Variants in CA10 observed in about 807,000 individuals in gnomAD.
CA10 encodes the protein carbonic anhydrase-related protein 10.
In CA10, 14 loss-of-function variants were observed where a neutral mutation model predicts 44.2. That is an observed-to-expected ratio of 0.32 (90% CI 0.21 to 0.50). The LOEUF is 0.50. Ranked by LOEUF, CA10 falls within the 20% of genes least tolerant of loss-of-function variation. The pLI, the probability that CA10 is intolerant of heterozygous loss-of-function variation, is 0.99. For missense variants in CA10, 350 were observed against 409.7 expected (o/e 0.85, Z 1.26); for synonymous variants, 159 against 141.6 (o/e 1.12, Z -0.87).
At chr17:51,780,310 A>C (rs768156465) in intron 3 of CA10, among the ~76,000 whole-genome samples, 1 of 152,298 alleles carries the variant, frequency 6.6e-6, no homozygotes, top group African/African-American at 2.4e-5. Context: ...GTGCAGAGGA[A>C]GGCATGCAGG....
intron 2 of CA10, among the ~76,000 whole-genome samples, chr17:51,973,580 T>C (rs939937923): frequency 6.6e-6 from 1 of 152,120 alleles, no homozygotes; most frequent in Non-Finnish European, 1.5e-5. Flanking sequence ...ACATTCAGAG[T>C]GGAGAGACTT....
intron 4 of CA10, among the ~76,000 whole-genome samples, chr17:51,697,113 C>A (rs962469748): frequency 6.6e-6 from 1 of 151,192 alleles, no homozygotes; most frequent in Non-Finnish European, 1.5e-5. Context: ...CGTGTTAGAG[C>A]TGAACTGTAC....
At chr17:52,047,727 TTAA>T (rs1485633309) in intron 2 of CA10, among the ~76,000 whole-genome samples, 1 of 151,922 alleles carries the variant, frequency 6.6e-6, no homozygotes, top group Non-Finnish European at 1.5e-5. Flanking sequence ...TATAAAAAAT[TTAA>T]TAATACTGTA....
At chr17:51,781,470 C>A (rs1394384661) in intron 3 of CA10, among the ~76,000 whole-genome samples, 1 of 152,140 alleles carries the variant, frequency 6.6e-6, no homozygotes, top group South Asian at 2.1e-4. Flanking sequence ...TGCTATTTGG[C>A]CATGAGTCCA....
At chr17:51,678,982 A>T (rs150300306) in intron 4 of CA10, among the ~76,000 whole-genome samples, 49 of 152,352 alleles carry the variant, frequency 3.2e-4, no homozygotes, top group Non-Finnish European at 5.4e-4. Flanking sequence ...TGTAGACTTA[A>T]GCTTTCTCCG....
At chr17:51,929,653 T>C (rs1391672109) in intron 3 of CA10, among the ~76,000 whole-genome samples, 1 of 151,554 alleles carries the variant, frequency 6.6e-6, no homozygotes, top group Non-Finnish European at 1.5e-5. Flanking sequence ...AACTTTTCCT[T>C]CTTAAATACT....
chr17:52,038,885 G>A (rs886186252), intron 2 of CA10, among the ~76,000 whole-genome samples: 7 of 151,972 alleles, frequency 4.6e-5, no homozygotes, highest in East Asian at 1.9e-4. Context: ...GTCCTGTTTC[G>A]AATTATTTTA....
At chr17:51,765,475 C>T (rs1271746436) in intron 3 of CA10, among the ~76,000 whole-genome samples, 1 of 152,070 alleles carries the variant, frequency 6.6e-6, no homozygotes, top group African/African-American at 2.4e-5. Flanking sequence ...TAATTATGGG[C>T]CAGAGAATTA....
At chr17:51,698,144 C>A (rs890521458) in intron 4 of CA10, among the ~76,000 whole-genome samples, 2 of 152,114 alleles carry the variant, frequency 1.3e-5, no homozygotes, top group South Asian at 2.1e-4. Flanking sequence ...CATCACCTTG[C>A]CAGACACAGC....
At chr17:51,649,313 C>A (rs760923995) in intron 5 of CA10, 59 bp from the exon 6 acceptor site, 1 of 1,196,256 alleles carries the variant, frequency 8.4e-7, no homozygotes, top group Admixed American at 1.7e-5. Context: ...CAAACATCTC[C>A]CCGTGACATT....
At chr17:51,892,009 T>C (rs1501268) in intron 3 of CA10, among the ~76,000 whole-genome samples, 19,184 of 152,292 alleles carry the variant, frequency 0.13, 1,640 homozygotes, top group South Asian at 0.31. Context: ...AAGGTAACTA[T>C]GAGTCCCTTT....
At chr17:51,900,963 A>G (rs191407259) in intron 3 of CA10, among the ~76,000 whole-genome samples, 1 of 152,204 alleles carries the variant, frequency 6.6e-6, no homozygotes, top group Non-Finnish European at 1.5e-5. Context: ...TTTCTCCTGT[A>G]TCTCAATGAT....
At chr17:52,107,351 G>A (rs1020433374) in intron 1 of CA10, among the ~76,000 whole-genome samples, 6 of 152,036 alleles carry the variant, frequency 3.9e-5, no homozygotes, top group African/African-American at 1.2e-4. Context: ...TACTAACCTC[G>A]AGCACATATA....
intron 3 of CA10, among the ~76,000 whole-genome samples, chr17:51,812,059 C>T (rs1228880591): frequency 6.6e-6 from 1 of 152,182 alleles, no homozygotes; most frequent in African/African-American, 2.4e-5. Flanking sequence ...ACCTGTTCAA[C>T]AGCAGATGTG....
At chr17:52,081,477 C>T (rs903323958) in intron 1 of CA10, among the ~76,000 whole-genome samples, 3 of 152,114 alleles carry the variant, frequency 2.0e-5, no homozygotes, top group African/African-American at 7.2e-5. Context: ...TCAACTAGGG[C>T]AGTGCTGGTG....
chr17:51,801,370 C>G (rs1198229591), intron 3 of CA10, among the ~76,000 whole-genome samples: 1 of 152,042 alleles, frequency 6.6e-6, no homozygotes, highest in African/African-American at 2.4e-5. Context: ...TTTTCTCCCT[C>G]TTGCAATTTA....
At chr17:51,875,841 A>C (rs1980046547) in intron 3 of CA10, among the ~76,000 whole-genome samples, 1 of 151,734 alleles carries the variant, frequency 6.6e-6, no homozygotes, top group Admixed American at 6.6e-5. Context: ...GACACTTCTT[A>C]CTCCTGGAGA....
intron 2 of CA10, among the ~76,000 whole-genome samples, chr17:52,036,955 G>A (rs1273688195): frequency 1.3e-5 from 2 of 152,186 alleles, no homozygotes; most frequent in African/African-American, 4.8e-5. Flanking sequence ...AAGGACTCTA[G>A]TCCCTGCCTG....
At chr17:51,771,121 T>TAAAA in intron 3 of CA10, among the ~76,000 whole-genome samples, 1 of 29,892 alleles carries the variant, frequency 3.3e-5, no homozygotes, top group Non-Finnish European at 5.8e-5. Context: ...AGACTCCGTC[T>TAAAA]CAAAAAAAAA....
Sources: allele counts gnomAD v4.1 joint callset (sites outside exome capture counted in the v4.1 genomes callset), GRCh38; gene constraint gnomAD v4.1.1; transcripts MANE v1.5; gene names NCBI Gene and HGNC (gene_info 2026-07-23, HGNC 2026-07-21).